The following GLT1D1 variants were observed in gnomAD, a reference collection of about 807,000 sequenced individuals.
GLT1D1 encodes glycosyltransferase 1 domain-containing protein 1.
GLT1D1 carries 21 observed loss-of-function variants against 28.7 expected under a neutral mutation model. That is an observed-to-expected ratio of 0.73 (90% CI 0.52 to 1.05). GLT1D1 has a LOEUF of 1.05. Among genes scored for constraint, GLT1D1 ranks in the 50% least tolerant of loss-of-function variants. The pLI, the probability that GLT1D1 is intolerant of heterozygous loss-of-function variation, is 0.00. For synonymous variants in GLT1D1, 147 were observed against 124.8 expected (o/e 1.18, Z -1.19); for missense variants, 343 against 330.6 (o/e 1.04, Z -0.29).
chr12:128,914,109 G>A (rs879612144), intron 4 of GLT1D1, among the ~76,000 whole-genome samples: 4 of 152,106 alleles, frequency 2.6e-5, no homozygotes, highest in Non-Finnish European at 5.9e-5. Context: ...CCAAGATAAC[G>A]TGTTAGACGT....
chr12:128,956,179 G>A (rs755308822), intron 6 of GLT1D1, among the ~76,000 whole-genome samples: 929 of 27,746 alleles, frequency 0.033, 4 homozygotes, highest in Non-Finnish European at 0.055. Flanking sequence ...AAAAGAGAAA[G>A]AGAGAAAGAA....
intron 4 of GLT1D1, among the ~76,000 whole-genome samples, chr12:128,920,577 A>C (rs1042929943): frequency 1.3e-5 from 2 of 152,180 alleles, no homozygotes; most frequent in Non-Finnish European, 2.9e-5. Context: ...GAAAGAAAAA[A>C]GAAAATAATA....
chr12:128,950,212 G>A (rs1286327750), intron 6 of GLT1D1, among the ~76,000 whole-genome samples: 2 of 152,052 alleles, frequency 1.3e-5, no homozygotes, highest in African/African-American at 2.4e-5. Flanking sequence ...GTGGGGTGCC[G>A]GTTCAAGGTG....
chr12:128,974,679 T>C (rs948244044), intron 7 of GLT1D1, among the ~76,000 whole-genome samples: 2 of 152,214 alleles, frequency 1.3e-5, no homozygotes, highest in Admixed American at 1.3e-4. Context: ...ACATTTTGAT[T>C]AAGAAACACT....
intron 7 of GLT1D1, among the ~76,000 whole-genome samples, chr12:128,971,823 CCCTTCTTT>C (rs1362211321): frequency 8.5e-5 from 6 of 70,204 alleles, no homozygotes; most frequent in Non-Finnish European, 1.1e-4. Flanking sequence ...CTCCCTTCCT[CCCTTCTTT>C]GCTCCCTCCC....
chr12:128,971,978 A>C (rs1335580731), intron 7 of GLT1D1, among the ~76,000 whole-genome samples: 1 of 143,566 alleles, frequency 7.0e-6, no homozygotes, highest in Non-Finnish European at 1.5e-5. Flanking sequence ...TGCACTTTAT[A>C]CGGGAGAATG....
intron 4 of GLT1D1, among the ~76,000 whole-genome samples, chr12:128,901,987 C>T (rs1290323882): frequency 6.6e-6 from 1 of 151,710 alleles, no homozygotes; most frequent in Non-Finnish European, 1.5e-5. Context: ...TATCTGAAGG[C>T]TTTCCTGATG....
In GLT1D1 at chr12:128,899,180, G is replaced by A; in HGVS notation, c.324-56G>A. ...ATTTGTTCCAAAGAGCTGTTTCATAGTTCTTTTAATTGAATTCTGGCCTAA... is the reference window on the plus strand; with the variant it reads ...ATTTGTTCCAAAGAGCTGTTTCATAATTCTTTTAATTGAATTCTGGCCTAA... On this transcript the variant is annotated intron_variant, in intron 3 of 7. Coordinates refer to ENST00000281703, the MANE Select transcript of GLT1D1 (RefSeq NM_144669.3). The A allele has an allele frequency of 2.3e-6, 3 of 1,317,346 alleles. No homozygotes were observed. In the South Asian group the frequency reaches 3.5e-5, roughly 16 times the overall value. 81.6% of individuals were successfully genotyped at this position (1,317,346 alleles called of 1,614,324 possible). A position where few individuals can be genotyped will look rare whatever the true frequency, so the allele number is the denominator to read the frequency against.
rs1390285499 is a variant in GLT1D1 at position 128,879,372 on chromosome 12, TTTTCTTTTTCTTTCTTTCTTTC to T, written c.217+3318_217+3339del. On this transcript the variant is annotated intron_variant, in intron 2 of 7. Coordinates refer to ENST00000281703, the MANE Select transcript of GLT1D1 (RefSeq NM_144669.3). ...TTCTGTAAAGTGATACTTATTATTT[TTTTCTTTTTCTTTCTTTCTTTC>T]TTTCTTTCTTTCTTTCTTTCTTTCT... is the stretch of plus-strand genomic sequence containing the variant. Among the ~76,000 whole-genome samples the T allele has an allele frequency of 3.5e-3, 492 of 141,378 alleles. 20 individuals are homozygous for T. The highest frequency in any genetic ancestry group is 0.013 in the African/African-American group (461 of 34,958). The allele number at this position is 141,378 out of a possible 152,430, so 92.7% of individuals were successfully genotyped here.
intron 4 of GLT1D1, among the ~76,000 whole-genome samples, chr12:128,914,593 G>A: frequency 6.6e-6 from 1 of 152,138 alleles, no homozygotes. Context: ...GCTGAGGCGG[G>A]AGGATCACTT....
At chr12:128,952,640 AT>A (rs1263729629) in intron 6 of GLT1D1, among the ~76,000 whole-genome samples, 425 of 125,946 alleles carry the variant, frequency 3.4e-3, no homozygotes, top group Middle Eastern at 4.8e-3. Flanking sequence ...CTAATTTTGT[AT>A]TTTTTTTTTT....
chr12:128,921,698 C>A (rs1208198515), intron 4 of GLT1D1, among the ~76,000 whole-genome samples: 1 of 151,958 alleles, frequency 6.6e-6, no homozygotes, highest in African/African-American at 2.4e-5. Context: ...GCCTGTGTGA[C>A]CAAAATGCCA....
Position 128,870,729 on chromosome 12 carries a change from C to T in GLT1D1, c.69-5185C>T, listed in dbSNP as rs145615152. Reference sequence around the variant, plus strand: ...TTAATAGGCTGGGCACGGCGGCACACGCATGTAATCTCAGCACTTTGGGAG... The same window carrying T: ...TTAATAGGCTGGGCACGGCGGCACATGCATGTAATCTCAGCACTTTGGGAG... On this transcript the variant is annotated intron_variant, in intron 1 of 7. Coordinates refer to ENST00000281703, the MANE Select transcript of GLT1D1 (RefSeq NM_144669.3). Among the ~76,000 whole-genome samples the T allele has an allele frequency of 3.1e-3, 474 of 152,252 alleles. 3 individuals carry two copies. The highest frequency in any genetic ancestry group is 0.011 in the African/African-American group (442 of 41,562).
At chr12:128,860,735 G>T (rs1400104649) in intron 1 of GLT1D1, among the ~76,000 whole-genome samples, 2 of 152,074 alleles carry the variant, frequency 1.3e-5, no homozygotes, top group Non-Finnish European at 2.9e-5. Flanking sequence ...AGACCGTTTT[G>T]TGTGTGTGTG....
chr12:128,967,569 C>T (rs957792754), intron 7 of GLT1D1, among the ~76,000 whole-genome samples: 2 of 152,212 alleles, frequency 1.3e-5, no homozygotes, highest in Non-Finnish European at 1.5e-5. Flanking sequence ...CAGCTTGCAG[C>T]GCTGTGCACT....
chr12:128,982,890 A>T (rs773653592), intron 7 of GLT1D1, 39 bp from the exon 12 acceptor site: 3 of 1,605,322 alleles, frequency 1.9e-6, no homozygotes, highest in Non-Finnish European at 2.6e-6. Context: ...ATCTCCCTTC[A>T]TCAGTGATTT....
rs1294614696 is a variant in GLT1D1 at position 128,875,813 on chromosome 12, A to AACG, written c.69-99_69-98insGAC. 5.2e-6 allele frequency: 6 copies of AACG among 1,145,434 alleles called. No homozygotes were observed. The Admixed American group carries it at 1.3e-4, about 26-fold the overall frequency. The allele number at this position is 1,145,434 out of a possible 1,614,324, so 71.0% of individuals were successfully genotyped here. A position where few individuals can be genotyped will look rare whatever the true frequency, so the allele number is the denominator to read the frequency against. On this transcript the variant is annotated intron_variant, in intron 1 of 7. Transcript: ENST00000281703. ...GAAACTCTGTCTCAACAACAACAAC[A>AACG]ACAACAACCAAAAAAAAAAAAAGTC...
chr12:128,924,417 AC>A (rs1872974104), intron 4 of GLT1D1, among the ~76,000 whole-genome samples: 1 of 145,564 alleles, frequency 6.9e-6, no homozygotes, highest in Admixed American at 7.1e-5. Flanking sequence ...ACAGAGTGAG[AC>A]TTGGTCTCAA....
intron 4 of GLT1D1, among the ~76,000 whole-genome samples, chr12:128,929,796 A>C (rs537945662): frequency 6.6e-6 from 1 of 152,272 alleles, no homozygotes; most frequent in Non-Finnish European, 1.5e-5. Flanking sequence ...CCCCGTCTCT[A>C]CTAAAAGTAC....
Sources: allele counts gnomAD v4.1 joint callset (sites outside exome capture counted in the v4.1 genomes callset), GRCh38; gene constraint gnomAD v4.1.1; transcripts MANE v1.5; gene names NCBI Gene and HGNC (gene_info 2026-07-23, HGNC 2026-07-21).